Variants in FUT8 observed in about 807,000 individuals in gnomAD.
The protein encoded by FUT8 is alpha-(1,6)-fucosyltransferase.
Under a neutral mutation model 71.3 loss-of-function variants are expected in FUT8, and 29 were observed. The ratio of observed to expected loss-of-function variants is 0.41; its 90% CI spans 0.30 to 0.55. The LOEUF (loss-of-function observed/expected upper bound fraction) is 0.55, where lower values mean the gene tolerates loss of function less well. FUT8 is among the 20% of genes least tolerant of loss of function. The probability of loss-of-function intolerance (pLI) is 0.34; values close to 1 mark genes in which losing one functional copy is unlikely to be tolerated. For missense variants in FUT8, 544 were observed against 702.1 expected, an observed-to-expected ratio of 0.77 and a Z score of 2.55; for synonymous variants, 254 against 239.3, an observed-to-expected ratio of 1.06 and a Z score of -0.57.
At chr14:65,720,134 C>A (rs1449754282) in intron 7 of FUT8, among the ~76,000 whole-genome samples, 1 of 150,892 alleles carries the variant, frequency 6.6e-6, no homozygotes. Flanking sequence ...AGAACCCTAT[C>A]TGGTCCTCTA....
chr14:65,361,803 CAAACAAATAAAT>C, the FUT8 span, among the ~76,000 whole-genome samples: 22 of 150,206 alleles, frequency 1.5e-4, no homozygotes, highest in East Asian at 5.9e-4. Flanking sequence ...AACAAACAAA[CAAACAAATAAAT>C]AAATAAATAA....
chr14:65,687,797 G>A (rs964389701), intron 7 of FUT8, among the ~76,000 whole-genome samples: 5 of 151,844 alleles, frequency 3.3e-5, no homozygotes, highest in Admixed American at 6.6e-5. Flanking sequence ...GCAGTGGTGC[G>A]ATCATAGCTC....
Position 65,678,985 on chromosome 14 carries a change from T to A in FUT8, c.835+9505T>A, listed in dbSNP as rs181647407. Among the ~76,000 whole-genome samples the A allele has an allele frequency of 7.2e-5, 11 of 152,304 alleles. No homozygotes were observed. The East Asian group carries it at 2.1e-3, about 29-fold the overall frequency. On this transcript the variant is annotated intron_variant, in intron 7 of 10. Transcript: ENST00000673929. Reference sequence around the variant, plus strand: ...GATCCTTTCCTCTCTAGGTTTTGGGTCTTGTATATTATATTTGAAGCTATT... The same window carrying A: ...GATCCTTTCCTCTCTAGGTTTTGGGACTTGTATATTATATTTGAAGCTATT...
chr14:65,587,201 A>C (rs1887437027), intron 3 of FUT8, among the ~76,000 whole-genome samples: 1 of 151,916 alleles, frequency 6.6e-6, no homozygotes, highest in South Asian at 2.1e-4. Flanking sequence ...AAAAAAAAAA[A>C]ACAAAAAAAA....
At chr14:65,495,704 T>C (rs902236709) in intron 2 of FUT8, among the ~76,000 whole-genome samples, 6 of 152,210 alleles carry the variant, frequency 3.9e-5, no homozygotes, top group Middle Eastern at 3.2e-3. Flanking sequence ...AACACACTTA[T>C]CATTTTTCCA....
At chr14:65,482,303 T>C (rs990713844) in intron 2 of FUT8, among the ~76,000 whole-genome samples, 6 of 152,164 alleles carry the variant, frequency 3.9e-5, no homozygotes, top group African/African-American at 9.7e-5. Context: ...CTGACTCTTA[T>C]TTTGTTCCAC....
chr14:65,536,061 G>A (rs1253383222), intron 2 of FUT8, among the ~76,000 whole-genome samples: 1 of 151,862 alleles, frequency 6.6e-6, no homozygotes, highest in African/African-American at 2.4e-5. Flanking sequence ...TTTGATCTTT[G>A]TTGGCTTAAA....
intron 10 of FUT8, among the ~76,000 whole-genome samples, chr14:65,741,236 C>A (rs1297585844): frequency 6.6e-6 from 1 of 151,824 alleles, no homozygotes; most frequent in Non-Finnish European, 1.5e-5. Flanking sequence ...TTTAAGTAGC[C>A]TTAAAACTAT....
At chr14:65,561,307 A>T (rs1450200994) in intron 2 of FUT8, 30 bp from the exon 3 acceptor site, 1 of 421,710 alleles carries the variant, frequency 2.4e-6, no homozygotes, top group East Asian at 4.0e-5. Context: ...ACCTTAAATA[A>T]TTTAAATACA....
At chr14:65,496,987 A>G (rs1214628112) in intron 2 of FUT8, among the ~76,000 whole-genome samples, 2 of 152,180 alleles carry the variant, frequency 1.3e-5, no homozygotes, top group Non-Finnish European at 2.9e-5. Flanking sequence ...CAAATTGGAA[A>G]TAATAGCAAC....
intron 2 of FUT8, among the ~76,000 whole-genome samples, chr14:65,494,557 A>G (rs1361345779): frequency 6.6e-6 from 1 of 152,214 alleles, no homozygotes; most frequent in East Asian, 1.9e-4. Flanking sequence ...AGTTGTATCC[A>G]GAGAATCTAC....
chr14:65,532,634 T>C (rs1169922269), intron 2 of FUT8, among the ~76,000 whole-genome samples: 2 of 152,208 alleles, frequency 1.3e-5, no homozygotes, highest in Non-Finnish European at 2.9e-5. Flanking sequence ...AGAGAAGCTC[T>C]TTAGTTTAAT....
At chr14:65,515,153 G>C (rs1488621222) in intron 2 of FUT8, among the ~76,000 whole-genome samples, 1 of 147,746 alleles carries the variant, frequency 6.8e-6, no homozygotes, top group Non-Finnish European at 1.5e-5. Context: ...TCTTGAATCT[G>C]AATGTCAAAT....
chr14:65,456,262 C>T (rs536308737), intron 2 of FUT8, among the ~76,000 whole-genome samples: 6 of 152,272 alleles, frequency 3.9e-5, no homozygotes, highest in African/African-American at 1.4e-4. Context: ...TACCTCAATC[C>T]CTAGCAATCA....
At chr14:65,404,241 G>A in the FUT8 span, among the ~76,000 whole-genome samples, 924 of 150,788 alleles carry the variant, frequency 6.1e-3, 11 homozygotes, top group East Asian at 0.036. Flanking sequence ...GTGTGATCTC[G>A]GCTCACTGCA....
At chr14:65,680,849 T>C (rs1210208430) in intron 7 of FUT8, among the ~76,000 whole-genome samples, 1 of 152,220 alleles carries the variant, frequency 6.6e-6, no homozygotes, top group African/African-American at 2.4e-5. Context: ...AGAAACTCCT[T>C]GCTTAGAATA....
rs550630254 is a variant in FUT8 at position 65,564,216 on chromosome 14, A to C, written c.203+2450A>C. ...GTACTCAATTTGCTATGTCTTTTTC[A>C]TATAAGAAAATGTGTTCACAAGTCA... On this transcript the variant is annotated intron_variant, in intron 3 of 10. Transcript: ENST00000673929. Among the ~76,000 whole-genome samples the C allele has an allele frequency of 1.2e-4, 19 of 152,162 alleles. No homozygotes were observed. The South Asian group carries it at 3.9e-3, about 32-fold the overall frequency.
intron 2 of FUT8, among the ~76,000 whole-genome samples, chr14:65,505,734 T>C (rs1309225740): frequency 6.6e-6 from 1 of 152,206 alleles, no homozygotes; most frequent in African/African-American, 2.4e-5. Flanking sequence ...TTCACAATCA[T>C]CCATCTTCAT....
chr14:65,357,054 A>G, the FUT8 span, among the ~76,000 whole-genome samples: 1 of 152,124 alleles, frequency 6.6e-6, no homozygotes, highest in Admixed American at 6.6e-5. Context: ...ATGAGTACTT[A>G]CTCTGGCGGG....
Sources: gnomAD v4.1 joint callset for allele counts (sites outside exome capture counted in the v4.1 genomes callset) on GRCh38, gnomAD v4.1.1 for gene constraint, MANE v1.5 for transcripts, NCBI Gene and HGNC (gene_info 2026-07-23, HGNC 2026-07-21) for gene names.